PIEZO2: variants seen among roughly 807,000 people sequenced by gnomAD.
PIEZO2 encodes piezo type mechanosensitive ion channel component 2.
PIEZO2 carries 172 observed loss-of-function variants against 337.3 expected under a neutral mutation model. That is an observed-to-expected ratio of 0.51 (90% CI 0.45 to 0.58). PIEZO2 has a LOEUF of 0.58. Ranked by LOEUF, PIEZO2 falls within the 20% of genes least tolerant of loss-of-function variation. The probability of loss-of-function intolerance (pLI) is 0.00; values close to 1 mark genes in which losing one functional copy is unlikely to be tolerated. For missense variants in PIEZO2, 3,028 were observed against 3,391.3 expected (o/e 0.89, Z 2.66); for synonymous variants, 1,251 against 1,228.5 (o/e 1.02, Z -0.38).
At position 11,002,706 on chromosome 18, in the gene PIEZO2, A is replaced by G. The variant is rs1380388858; in HGVS notation, c.161-23046T>C. Among the ~76,000 whole-genome samples the G allele has an allele frequency of 6.6e-6, 1 of 152,232 alleles. No individual in the cohort carries two copies. Among genetic ancestry groups the G allele is most frequent in the African/African-American group, 2.4e-5 (1 of 41,464 alleles). ...ACTGGCGGCGGCGGGGAACACATTCAGGCAGAGATGTGTTAGTTCACACAG... is the reference window on the plus strand; with the variant it reads ...ACTGGCGGCGGCGGGGAACACATTCGGGCAGAGATGTGTTAGTTCACACAG... On this transcript the variant is annotated intron_variant, in intron 2 of 55. Transcript: ENST00000674853. The surrounding 1 kb of genome is among the most constrained non-coding windows in gnomAD (Gnocchi z 4.3).
rs2040165671 is a variant in PIEZO2, at chr18:11,125,807, C to T, written c.64+22718G>A. On this transcript the variant is annotated intron_variant, in intron 1 of 55. Transcript: ENST00000674853. This position sits in a 1 kb window ranked among gnomAD's most constrained non-coding sequence, Gnocchi z 4.4. ...GTTTAGAGGTCCCTGCCAGCATTGG[C>T]TTTCATCAATTTGATTGTATGAAGT... Among the ~76,000 whole-genome samples, 1 of 152,178 alleles carries T rather than the reference C, an allele frequency of 6.6e-6. No individual in the cohort carries two copies. Among genetic ancestry groups the T allele is most frequent in the Non-Finnish European group, 1.5e-5 (1 of 68,026 alleles).
At position 10,969,242 on chromosome 18, in the gene PIEZO2, T is replaced by C. The variant is rs2034140274; in HGVS notation, c.286+10293A>G. Among the ~76,000 whole-genome samples, 2 of 152,210 alleles carry C rather than the reference T, an allele frequency of 1.3e-5. No individual in the cohort carries two copies. The highest frequency in any genetic ancestry group is 4.1e-4 in the South Asian group (2 of 4,834). ...ACACGGACTTGCGTTAGTGCTTTTATTGTAAATAATTTACACTAGAAATGC... is the reference window on the plus strand; with the variant it reads ...ACACGGACTTGCGTTAGTGCTTTTACTGTAAATAATTTACACTAGAAATGC... On this transcript the variant is annotated intron_variant, in intron 3 of 55. Transcript: ENST00000674853. The surrounding 1 kb of genome is among the most constrained non-coding windows in gnomAD (Gnocchi z 4.5).
chr18:10,875,052 G>A (rs894361642), intron 4 of PIEZO2, among the ~76,000 whole-genome samples: 1 of 151,998 alleles, frequency 6.6e-6, no homozygotes, highest in Admixed American at 6.6e-5. Flanking sequence ...TTGTATGAAT[G>A]TATCCAATAT....
chr18:10,738,874 A>G (rs2037113150), intron 33 of PIEZO2: 1 of 152,342 alleles, frequency 6.6e-6, no homozygotes, highest in East Asian at 1.9e-4. Flanking sequence ...GTGTGTGTAC[A>G]TAGGTATGGA....
chr18:10,841,333 T>C (rs1225440208), intron 7 of PIEZO2, among the ~76,000 whole-genome samples: 1 of 152,106 alleles, frequency 6.6e-6, no homozygotes, highest in Non-Finnish European at 1.5e-5. Flanking sequence ...CCCCTGGTGC[T>C]GGGAGGGAAA....
intron 7 of PIEZO2, among the ~76,000 whole-genome samples, chr18:10,845,478 A>C (rs1255031614): frequency 6.6e-6 from 1 of 152,210 alleles, no homozygotes; most frequent in East Asian, 1.9e-4. Flanking sequence ...CACATGTAGC[A>C]GTTTAATAAT....
At chr18:10,694,365 G>C (rs1306848836) in intron 47 of PIEZO2, among the ~76,000 whole-genome samples, 1 of 151,656 alleles carries the variant, frequency 6.6e-6, no homozygotes, top group African/African-American at 2.4e-5. Flanking sequence ...AGCCACATAC[G>C]TAAAATCCAT....
In PIEZO2 at chr18:10,862,065, TAA is replaced by T. The variant is rs1300475312; in HGVS notation, c.493-4856_493-4855del. On this transcript the variant is annotated intron_variant, in intron 5 of 55. Transcript: ENST00000674853. This position sits in a 1 kb window ranked among gnomAD's most constrained non-coding sequence, Gnocchi z 4.4. ...ACAAAATAATAAAAAATAAAATAGTTAAGAGAGGATGTTAATGTCCTCAACAC... is the reference window on the plus strand; with the variant it reads ...ACAAAATAATAAAAAATAAAATAGTTGAGAGGATGTTAATGTCCTCAACAC... Among the ~76,000 whole-genome samples, 1 of 151,770 alleles carries T rather than the reference TAA, an allele frequency of 6.6e-6. No homozygotes were observed. The highest frequency in any genetic ancestry group is 2.4e-5 in the African/African-American group (1 of 41,344).
chr18:11,086,590 G>A (rs1168291679), intron 1 of PIEZO2, among the ~76,000 whole-genome samples: 1 of 152,096 alleles, frequency 6.6e-6, no homozygotes, highest in African/African-American at 2.4e-5. Flanking sequence ...AAGCATACAG[G>A]AGGAAAACTG....
intron 4 of PIEZO2, among the ~76,000 whole-genome samples, chr18:10,880,878 T>C (rs2042396873): frequency 2.0e-5 from 2 of 99,028 alleles, no homozygotes; most frequent in African/African-American, 8.1e-5. Flanking sequence ...TATATATATA[T>C]ATATATATAT....
rs1328112467 is a variant in PIEZO2 at position 10,895,521 on chromosome 18, G to T, written c.329+15665C>A. On this transcript the variant is annotated intron_variant, in intron 4 of 55. Coordinates refer to ENST00000674853, the MANE Select transcript of PIEZO2 (RefSeq NM_001378183.1). The surrounding 1 kb of genome is among the most constrained non-coding windows in gnomAD (Gnocchi z 4.8). ...GAGGTTGTTCAGTGACCACACCAGAGCCCCCCAGCTGGAACAGAGTGCCGG... is the reference window on the plus strand; with the variant it reads ...GAGGTTGTTCAGTGACCACACCAGATCCCCCCAGCTGGAACAGAGTGCCGG... Among the ~76,000 whole-genome samples, 1 of 152,036 alleles carries T rather than the reference G, an allele frequency of 6.6e-6. No individual in the cohort carries two copies.
chr18:11,033,146 C>A lies in PIEZO2; in HGVS notation c.160+32981G>T, dbSNP rs148019484. Reference sequence around the variant, plus strand: ...CATTTACCGTGAGCCCAACACATTACGTCATTGAGTCCTCTCTACAACACA... The same window carrying A: ...CATTTACCGTGAGCCCAACACATTAAGTCATTGAGTCCTCTCTACAACACA... On this transcript the variant is annotated intron_variant, in intron 2 of 55. Coordinates refer to ENST00000674853, the MANE Select transcript of PIEZO2 (RefSeq NM_001378183.1). The surrounding 1 kb of genome is among the most constrained non-coding windows in gnomAD (Gnocchi z 4.2). Among the ~76,000 whole-genome samples the A allele has an allele frequency of 5.9e-5, 9 of 152,330 alleles. No homozygotes were observed. The highest frequency in any genetic ancestry group is 1.9e-4 in the African/African-American group (8 of 41,576).
intron 36 of PIEZO2, among the ~76,000 whole-genome samples, chr18:10,723,581 A>G (rs1598401806): frequency 6.6e-6 from 1 of 152,284 alleles, no homozygotes; most frequent in South Asian, 2.1e-4. Flanking sequence ...GAAAGACTCC[A>G]GTAGAGAGGA....
At chr18:10,782,278 ATATAATATAAT>A (rs1181701498) in intron 17 of PIEZO2, among the ~76,000 whole-genome samples, 1 of 30,528 alleles carries the variant, frequency 3.3e-5, no homozygotes, top group Non-Finnish European at 6.9e-5. Context: ...GTAAACAATT[ATATAATATAAT>A]TATAATTATA....
intron 2 of PIEZO2, among the ~76,000 whole-genome samples, chr18:11,041,589 T>C (rs982707129): frequency 3.3e-5 from 5 of 152,264 alleles, no homozygotes; most frequent in African/African-American, 1.2e-4. Flanking sequence ...TTGTTTATTT[T>C]ACCATATTAT....
Position 10,671,190 on chromosome 18 carries a change from A to G in PIEZO2, c.*337T>C, listed in dbSNP as rs564490258. ...GCACGGGCCCCACAGAGGAAAACAC[A>G]GGCATCTTTCTTTCTGACTCCTCTT... On this transcript the variant is annotated 3_prime_UTR_variant, in exon 56 of 56. Coordinates refer to ENST00000674853, the MANE Select transcript of PIEZO2 (RefSeq NM_001378183.1). 2.0e-4 allele frequency: 43 copies of G among 218,732 alleles called. No homozygotes were observed. The highest frequency in any genetic ancestry group is 1.3e-4 in the East Asian group (1 of 7,800). 13.5% of individuals were successfully genotyped at this position (218,732 alleles called of 1,614,324 possible).
chr18:10,692,549 C>T (rs1188468081), intron 47 of PIEZO2, among the ~76,000 whole-genome samples: 3 of 142,674 alleles, frequency 2.1e-5, no homozygotes, highest in African/African-American at 7.7e-5. Context: ...CCTTCTCTTT[C>T]TGTCTCTCTC....
chr18:10,793,431 AAATTT>A (rs2039477933), intron 13 of PIEZO2, among the ~76,000 whole-genome samples: 1 of 152,316 alleles, frequency 6.6e-6, no homozygotes, highest in African/African-American at 2.4e-5. Flanking sequence ...CACGAGTAAC[AAATTT>A]ATTTCCCAAA....
rs1872030 is a variant in PIEZO2 at position 11,009,830 on chromosome 18, G to A, written c.161-30170C>T. On this transcript the variant is annotated intron_variant, in intron 2 of 55. Transcript: ENST00000674853. The surrounding 1 kb of genome is among the most constrained non-coding windows in gnomAD (Gnocchi z 4.6). ...CCTTGTAAGAAGAGGAGAGTAGGAC[G>A]CGGACAGGCACAGAAGGGAGACCGC... is the stretch of plus-strand genomic sequence containing the variant. Among the ~76,000 whole-genome samples, 44,245 of 151,806 alleles carry A rather than the reference G, an allele frequency of 0.29. 6,990 individuals are homozygous for A. Among genetic ancestry groups the A allele is most frequent in the Non-Finnish European group, 0.36 (24,521 of 67,932 alleles).
Sources: allele counts gnomAD v4.1 joint callset (sites outside exome capture counted in the v4.1 genomes callset), GRCh38; gene constraint gnomAD v4.1.1; non-coding constraint Gnocchi (gnomAD v3.1); transcripts MANE v1.5; gene names NCBI Gene and HGNC (gene_info 2026-07-23, HGNC 2026-07-21).